The following KNDC1 variants were observed in gnomAD, a reference collection of about 807,000 sequenced individuals.
The protein encoded by KNDC1 is kinase non-catalytic C-lobe domain containing 1, also known as kinase non-catalytic C-lobe domain-containing protein 1.
Under a neutral mutation model 172.8 loss-of-function variants are expected in KNDC1, and 106 were observed. That is an observed-to-expected ratio of 0.61 (90% CI 0.52 to 0.72). The LOEUF (loss-of-function observed/expected upper bound fraction) is 0.72, where lower values mean the gene tolerates loss of function less well. Ranked by LOEUF, KNDC1 falls within the 30% of genes least tolerant of loss-of-function variation. The pLI is 0.00. For missense variants in KNDC1, 2,325 were observed against 2,394.5 expected (o/e 0.97, Z 0.61); for synonymous variants, 1,083 against 1,062.2 (o/e 1.02, Z -0.38).
chr10:133,219,418 G>A (rs1346876580), intron 28 of KNDC1, among the ~76,000 whole-genome samples: 1 of 152,240 alleles, frequency 6.6e-6, no homozygotes, highest in Non-Finnish European at 1.5e-5. Flanking sequence ...GGCAGGGGTG[G>A]CCTCATGAGA....
intron 17 of KNDC1, 124 bp from the exon 18 acceptor site, chr10:133,206,561 T>C (rs1010865692): frequency 4.9e-6 from 4 of 815,146 alleles, no homozygotes; most frequent in Non-Finnish European, 4.2e-6. Flanking sequence ...TCTGTCTCCA[T>C]GGGACCCTGC....
intron 9 of KNDC1, among the ~76,000 whole-genome samples, chr10:133,191,388 C>T (rs533699023): frequency 6.7e-6 from 1 of 150,370 alleles, no homozygotes; most frequent in African/African-American, 2.5e-5. Context: ...CAGAGCCAGA[C>T]CCTGTCTCAA....
intron 3 of KNDC1, among the ~76,000 whole-genome samples, chr10:133,178,200 CAT>C (rs1248201704): frequency 1.4e-5 from 2 of 146,802 alleles, no homozygotes; most frequent in Admixed American, 6.8e-5. Flanking sequence ...TGCAGTGTGG[CAT>C]GTGTATGTAT....
At chr10:133,197,620 C>T (rs1854231321) in intron 11 of KNDC1, 55 bp from the exon 12 acceptor site, 9 of 1,373,604 alleles carry the variant, frequency 6.6e-6, no homozygotes, top group African/African-American at 1.4e-5. Flanking sequence ...TGGGTGTTGC[C>T]GGCGCTGGCG....
At chr10:133,213,585 C>T (rs1589772883) in intron 24 of KNDC1, 60 bp from the exon 25 acceptor site, 1 of 1,493,042 alleles carries the variant, frequency 6.7e-7, no homozygotes, top group East Asian at 2.3e-5. Flanking sequence ...GGGACCCTGC[C>T]TTGGACACAA....
chr10:133,179,903 AGGCAGG>A (rs908900992), intron 3 of KNDC1, among the ~76,000 whole-genome samples: 2 of 152,184 alleles, frequency 1.3e-5, no homozygotes, highest in Non-Finnish European at 2.9e-5. Context: ...AAGCCCAGCC[AGGCAGG>A]GCCACTCGGT....
At position 133,189,819 on chromosome 10, in the gene KNDC1, C is replaced by T. The variant is rs201099586; in HGVS notation, c.1575+6C>T. On this transcript the variant is annotated splice_donor_region_variant and intron_variant, in intron 9 of 29. Coordinates refer to ENST00000304613, the MANE Select transcript of KNDC1 (RefSeq NM_152643.8). Reference sequence around the variant, plus strand: ...AGAGGCTGGTAACTGAAAAGGTACCCGGGCCCTCCCCACCCTGCCCCAGCC... The same window carrying T: ...AGAGGCTGGTAACTGAAAAGGTACCTGGGCCCTCCCCACCCTGCCCCAGCC... 3.4e-5 allele frequency: 55 copies of T among 1,611,284 alleles called. No individual in the cohort carries two copies. Among genetic ancestry groups the T allele is most frequent in the Non-Finnish European group, 4.4e-5 (52 of 1,178,618 alleles).
chr10:133,212,848 A>G lies in KNDC1; in HGVS notation c.4369A>G (p.Ser1457Gly). The G allele has an allele frequency of 6.2e-7, 1 of 1,613,930 alleles. No individual in the cohort carries two copies. Among genetic ancestry groups the G allele is most frequent in the Non-Finnish European group, 8.5e-7 (1 of 1,179,936 alleles). ...EDFYGPCAKT[S>G]EKGPYFLTEY... ...CTTCTACGGCCCCTGCGCCAAGACC[A>G]GTGAGAAGGGGCCCTACTTCCTGAC... Residue 1457 changes from serine (S) to glycine (G), a missense_variant, in exon 24 of 30, where the codon AGT (serine) becomes GGT (glycine). By Grantham distance (56) the Ser-to-Gly change is moderately conservative. Coordinates refer to ENST00000304613, the MANE Select transcript of KNDC1 (RefSeq NM_152643.8).
rs114176925 is a variant in KNDC1 at position 133,221,136 on chromosome 10, C to T, written c.5018+1024C>T. On this transcript the variant is annotated intron_variant, in intron 29 of 29. Coordinates refer to ENST00000304613, the MANE Select transcript of KNDC1 (RefSeq NM_152643.8). ...CACCCCACCCTGAGGGTCTCTGCAG[C>T]ACAGAGGCTGCCCGGCAGCAACCTG... 2.4e-3 allele frequency among the ~76,000 whole-genome samples: 365 copies of T among 152,254 alleles called. 2 individuals carry two copies. Among genetic ancestry groups the T allele is most frequent in the African/African-American group, 8.5e-3 (352 of 41,540 alleles).
intron 29 of KNDC1, among the ~76,000 whole-genome samples, chr10:133,222,081 A>C (rs559141580): frequency 1.3e-5 from 2 of 151,082 alleles, no homozygotes; most frequent in Non-Finnish European, 3.0e-5. Flanking sequence ...CAGGAGTTCA[A>C]GACCAGCCTG....
At chr10:133,214,159 T>C in intron 26 of KNDC1, 37 bp downstream of exon 26, 28 of 1,610,334 alleles carry the variant, frequency 1.7e-5, no homozygotes, top group Non-Finnish European at 2.4e-5. Context: ...ACACGGGGCG[T>C]GGGGCCCACC....
At position 133,199,590 on chromosome 10, in the gene KNDC1, C is replaced by T. The variant is rs1854305100; in HGVS notation, c.2891C>T (p.Ser964Leu). The T allele has an allele frequency of 6.2e-7, 1 of 1,613,466 alleles. No individual in the cohort carries two copies. Among genetic ancestry groups the T allele is most frequent in the African/African-American group, 1.3e-5 (1 of 75,064 alleles). Residue 964 changes from serine (S) to leucine (L), a missense_variant, in exon 15 of 30, where the codon TCA becomes TTA. Physicochemically the swap from Ser to Leu is moderately radical, Grantham distance 145 (BLOSUM62 -2). Transcript: ENST00000304613. The part of the protein sequence containing the change: ...NLFKVVNGQA[S>L]PSPSTAEEAG... ...TTTAAGGTGGTCAACGGGCAGGCGT[C>T]ACCCTCCCCAAGGTGGGTGCCCAGT...
intron 2 of KNDC1, among the ~76,000 whole-genome samples, chr10:133,167,987 C>T (rs769172510): frequency 5.9e-5 from 9 of 152,246 alleles, no homozygotes; most frequent in African/African-American, 2.2e-4. Flanking sequence ...TGGCCCCTGC[C>T]CGGGAGCTGA....
intron 26 of KNDC1, among the ~76,000 whole-genome samples, chr10:133,218,092 A>G (rs1845505445): frequency 6.7e-6 from 1 of 149,840 alleles, no homozygotes; most frequent in African/African-American, 2.5e-5. Flanking sequence ...GATCCGGGGC[A>G]TGGCGTCCAG....
intron 27 of KNDC1, 35 bp from the exon 28 acceptor site, chr10:133,218,996 C>G: frequency 6.2e-7 from 1 of 1,613,770 alleles, no homozygotes; most frequent in Non-Finnish European, 8.5e-7. Flanking sequence ...GGTACCCGCA[C>G]GGCCGCAGGA....
intron 3 of KNDC1, among the ~76,000 whole-genome samples, chr10:133,170,223 A>G (rs968516383): frequency 6.6e-6 from 1 of 152,200 alleles, no homozygotes; most frequent in African/African-American, 2.4e-5. Context: ...TCTAGGGTGC[A>G]TGCCCAGGAG....
intron 3 of KNDC1, among the ~76,000 whole-genome samples, chr10:133,180,153 A>C (rs1853673063): frequency 6.6e-6 from 1 of 152,218 alleles, no homozygotes; most frequent in Non-Finnish European, 1.5e-5. Flanking sequence ...ATTCCAGCAC[A>C]GTTTCTCACA....
In KNDC1 at chr10:133,213,983, C is replaced by G. The variant is rs1845426267; in HGVS notation, c.4538C>G (p.Ser1513Cys). The change falls in exon 26 of 30, where the codon TCT (serine) becomes TGT (cysteine). Residue 1513 changes from serine (S) to cysteine (C), a missense_variant. Coordinates refer to ENST00000304613, the MANE Select transcript of KNDC1 (RefSeq NM_152643.8). ...KSTAIPKASS[S>C]ESLSAKTCSL... ...TATTTCTCTTCCAGAGCCAGCTCTTCTGAGTCTCTTTCGGCCAAAACCTGC... is the reference window on the plus strand; with the variant it reads ...TATTTCTCTTCCAGAGCCAGCTCTTGTGAGTCTCTTTCGGCCAAAACCTGC... 2 of 1,614,186 alleles carry G rather than the reference C, an allele frequency of 1.2e-6. No homozygotes were observed. Among genetic ancestry groups the G allele is most frequent in the African/African-American group, 1.3e-5 (1 of 75,064 alleles).
At chr10:133,176,270 C>G (rs10776665) in intron 3 of KNDC1, among the ~76,000 whole-genome samples, 62,929 of 150,046 alleles carry the variant, frequency 0.42, 14,998 homozygotes, top group South Asian at 0.67. Flanking sequence ...CGGATGGATG[C>G]ATGGTGGATG....
Sources: allele counts gnomAD v4.1 joint callset (sites outside exome capture counted in the v4.1 genomes callset), GRCh38; gene constraint gnomAD v4.1.1; transcripts MANE v1.5; gene names NCBI Gene and HGNC (gene_info 2026-07-23, HGNC 2026-07-21).